The following SKIC3 variants were observed in gnomAD, a reference collection of about 807,000 sequenced individuals.
SKIC3 encodes the protein SKI3 subunit of superkiller complex, also known as superkiller complex protein 3.
the SKIC3 span, chr5:95,516,685 A>G: frequency 1.4e-5 from 22 of 1,613,298 alleles, no homozygotes; most frequent in Non-Finnish European, 1.9e-5. Context: ...TGTAACATGC[A>G]ACCACACCAA....
the SKIC3 span, among the ~76,000 whole-genome samples, chr5:95,468,403 T>A: frequency 6.6e-6 from 1 of 152,070 alleles, no homozygotes; most frequent in Admixed American, 6.6e-5. Context: ...AATGCAAGGG[T>A]GATAAAGAGT....
At chr5:95,474,208 C>G in the SKIC3 span, among the ~76,000 whole-genome samples, 1 of 152,122 alleles carries the variant, frequency 6.6e-6, no homozygotes, top group Non-Finnish European at 1.5e-5. Context: ...TGTCAAAGAT[C>G]AGATGGTTGT....
the SKIC3 span, chr5:95,525,490 G>A: frequency 1.2e-6 from 2 of 1,613,918 alleles, no homozygotes; most frequent in African/African-American, 2.7e-5. Context: ...AAGAGAGAAG[G>A]TCTTCCATAA....
At chr5:95,497,118 T>C in the SKIC3 span, among the ~76,000 whole-genome samples, 6 of 152,228 alleles carry the variant, frequency 3.9e-5, no homozygotes, top group Non-Finnish European at 1.5e-5. Context: ...TTACATTACT[T>C]TATCACATAT....
At chr5:95,481,789 G>T in the SKIC3 span, among the ~76,000 whole-genome samples, 1 of 152,022 alleles carries the variant, frequency 6.6e-6, no homozygotes, top group Admixed American at 6.6e-5. Flanking sequence ...ATTATCTAAA[G>T]CAGGGATATA....
At chr5:95,464,860 C>CGAA in the SKIC3 span, among the ~76,000 whole-genome samples, 1 of 150,170 alleles carries the variant, frequency 6.7e-6, no homozygotes, top group East Asian at 1.9e-4. Flanking sequence ...ATTGTTTAAA[C>CGAA]GAAGCTAACA....
chr5:95,531,474 T>C, the SKIC3 span, among the ~76,000 whole-genome samples: 6 of 152,190 alleles, frequency 3.9e-5, no homozygotes, highest in African/African-American at 1.4e-4. Flanking sequence ...CTTCCATAAA[T>C]ATGAATTCCA....
chr5:95,478,564 T>G, the SKIC3 span: 3 of 1,344,828 alleles, frequency 2.2e-6, no homozygotes, highest in Non-Finnish European at 3.1e-6. Context: ...TATTGGTAAG[T>G]TCTGTGCCCA....
the SKIC3 span, among the ~76,000 whole-genome samples, chr5:95,530,514 T>G: frequency 6.6e-6 from 1 of 152,316 alleles, no homozygotes; most frequent in African/African-American, 2.4e-5. Flanking sequence ...CATAGCCTAC[T>G]GCTTGCCAGC....
the SKIC3 span, among the ~76,000 whole-genome samples, chr5:95,549,679 T>G: frequency 0.5 from 75,512 of 151,764 alleles, 19,269 homozygotes; most frequent in African/African-American, 0.6. Flanking sequence ...GTTTCAGAAG[T>G]TTAATTTGTA....
the SKIC3 span, among the ~76,000 whole-genome samples, chr5:95,505,956 T>TA: frequency 3.9e-5 from 6 of 152,184 alleles, no homozygotes; most frequent in African/African-American, 7.2e-5. Flanking sequence ...AAAGTAAACT[T>TA]AAAAAAAATC....
chr5:95,521,882 T>A, the SKIC3 span, among the ~76,000 whole-genome samples: 2 of 152,124 alleles, frequency 1.3e-5, no homozygotes, highest in Non-Finnish European at 2.9e-5. Context: ...CAAGATTTGA[T>A]CTTTTTATAT....
the SKIC3 span, chr5:95,512,583 G>A: frequency 5.5e-5 from 88 of 1,613,934 alleles, no homozygotes; most frequent in African/African-American, 9.6e-4. Context: ...GCAATGTTGT[G>A]CAGACCCAAT....
the SKIC3 span, chr5:95,516,909 A>T: frequency 6.3e-7 from 1 of 1,581,164 alleles, no homozygotes; most frequent in Non-Finnish European, 8.6e-7. Context: ...ATTTATTTAT[A>T]CCATACATGT....
the SKIC3 span, among the ~76,000 whole-genome samples, chr5:95,494,011 A>G: frequency 1.3e-5 from 2 of 152,136 alleles, no homozygotes; most frequent in African/African-American, 2.4e-5. Context: ...CAGTTACCAC[A>G]TAAGATACAT....
chr5:95,536,796 CTA>C, the SKIC3 span: 1 of 1,577,912 alleles, frequency 6.3e-7, no homozygotes, highest in Non-Finnish European at 8.7e-7. Flanking sequence ...AGGACACACA[CTA>C]TAATAAGGAA....
chr5:95,552,878 G>A, the SKIC3 span, among the ~76,000 whole-genome samples: 2,994 of 152,190 alleles, frequency 0.02, 49 homozygotes, highest in Non-Finnish European at 0.034. Context: ...AAATGGTGGC[G>A]AGGGAGTTGG....
chr5:95,549,435 G>A, the SKIC3 span, among the ~76,000 whole-genome samples: 1 of 152,048 alleles, frequency 6.6e-6, no homozygotes. Flanking sequence ...TTTTAAGTAG[G>A]TTGTTTTTAA....
At chr5:95,478,111 A>C in the SKIC3 span, among the ~76,000 whole-genome samples, 1 of 152,198 alleles carries the variant, frequency 6.6e-6, no homozygotes, top group Non-Finnish European at 1.5e-5. Flanking sequence ...GCTGTAGTCT[A>C]TAGATTTATG....
Sources: allele counts gnomAD v4.1 joint callset (sites outside exome capture counted in the v4.1 genomes callset), GRCh38; gene constraint gnomAD v4.1.1; transcripts MANE v1.5; gene names NCBI Gene and HGNC (gene_info 2026-07-23, HGNC 2026-07-21).